The following ZNF385D variants were observed in gnomAD, a reference collection of about 807,000 sequenced individuals.
ZNF385D encodes zinc finger protein 385D, also known as zinc finger protein 659.
ZNF385D carries 15 observed loss-of-function variants against 35.8 expected under a neutral mutation model. The observed-to-expected ratio is 0.42, with a 90% confidence interval of 0.28 to 0.64. The LOEUF (loss-of-function observed/expected upper bound fraction) is 0.64, where lower values mean the gene tolerates loss of function less well. Ranked by LOEUF, ZNF385D falls within the 30% of genes least tolerant of loss-of-function variation. The pLI, the probability that ZNF385D is intolerant of heterozygous loss-of-function variation, is 0.23. For synonymous variants in ZNF385D, 212 were observed against 186.8 expected (o/e 1.13, Z -1.10); for missense variants, 474 against 494.6 (o/e 0.96, Z 0.39).
chr3:21,510,895 A>G lies in ZNF385D; in HGVS notation c.405T>C (p.Thr135=). ...DSAKTTFTSI[T]TNTINTSSDK... Reference sequence around the variant, plus strand: ...CAGAGCTGGTATTGATGGTATTGGTAGTGATGGAGGTGAAGGTAGTCTTTG... The same window carrying G: ...CAGAGCTGGTATTGATGGTATTGGTGGTGATGGAGGTGAAGGTAGTCTTTG... Residue 135 remains threonine (T), a synonymous_variant, in exon 4 of 8, where the codon ACT becomes ACC. Coordinates refer to ENST00000281523, the MANE Select transcript of ZNF385D (RefSeq NM_024697.3). The G allele has an allele frequency of 6.2e-7, 1 of 1,614,082 alleles. No individual in the cohort carries two copies. The highest frequency in any genetic ancestry group is 1.1e-5 in the South Asian group (1 of 91,078).
Position 21,835,520 on chromosome 3 carries a change from TA to T in ZNF385D, c.326-170493del, listed in dbSNP as rs35748841. On this transcript the variant is annotated intron_variant, in intron 3 of 5. Transcript: ENST00000494108. ...CAGGGTGGATCAAAGTGATACTACT[TA>T]AAAAAAAAAAAACTAAACCAAATAC... Among the ~76,000 whole-genome samples, 130 of 145,196 alleles carry T rather than the reference TA, an allele frequency of 9.0e-4. 1 individual carries two copies. The highest frequency in any genetic ancestry group is 3.3e-3 in the South Asian group (15 of 4,574).
intron 3 of ZNF385D, among the ~76,000 whole-genome samples, chr3:22,041,477 C>T (rs571751807): frequency 4.6e-5 from 7 of 152,188 alleles, no homozygotes; most frequent in South Asian, 2.1e-4. Context: ...AAATGCTTAT[C>T]GACTACAAAA....
chr3:21,984,219 T>C (rs1694677373), intron 3 of ZNF385D, among the ~76,000 whole-genome samples: 1 of 147,376 alleles, frequency 6.8e-6, no homozygotes, highest in Non-Finnish European at 1.5e-5. Flanking sequence ...CTTTTGGTGT[T>C]TTGGACCTGA....
intron 2 of ZNF385D, among the ~76,000 whole-genome samples, chr3:22,359,951 G>T (rs1696339404): frequency 6.6e-6 from 1 of 151,838 alleles, no homozygotes; most frequent in Admixed American, 6.6e-5. Context: ...ATGTATAATT[G>T]AGTTCTTAAA....
At chr3:21,609,811 A>C (rs1217338798) in intron 2 of ZNF385D, among the ~76,000 whole-genome samples, 3 of 152,216 alleles carry the variant, frequency 2.0e-5, no homozygotes, top group Non-Finnish European at 4.4e-5. Context: ...GCTTAAAGTC[A>C]TTTCTAAAGC....
intron 2 of ZNF385D, among the ~76,000 whole-genome samples, chr3:22,312,316 A>G (rs1703605824): frequency 6.6e-6 from 1 of 152,268 alleles, no homozygotes; most frequent in Middle Eastern, 3.4e-3. Flanking sequence ...TTTTGAAATC[A>G]CACCATTAGA....
chr3:21,596,168 TTTG>T (rs2064122356), intron 2 of ZNF385D, among the ~76,000 whole-genome samples: 1 of 152,158 alleles, frequency 6.6e-6, no homozygotes, highest in Non-Finnish European at 1.5e-5. Context: ...TTATCCAAAG[TTTG>T]TCAGCCAACT....
chr3:22,312,495 C>T (rs964068957), intron 2 of ZNF385D, among the ~76,000 whole-genome samples: 1 of 151,624 alleles, frequency 6.6e-6, no homozygotes, highest in African/African-American at 2.4e-5. Context: ...ATTTTTGCAA[C>T]CTACTCATCT....
At chr3:22,323,901 A>G (rs1408740203) in intron 2 of ZNF385D, among the ~76,000 whole-genome samples, 2 of 152,198 alleles carry the variant, frequency 1.3e-5, no homozygotes, top group African/African-American at 4.8e-5. Context: ...AAGCTGAAAT[A>G]CCCAAATTTG....
chr3:22,204,767 AAGAG>A (rs35641815), intron 2 of ZNF385D, among the ~76,000 whole-genome samples: 18,781 of 151,914 alleles, frequency 0.12, 1,481 homozygotes, highest in Middle Eastern at 0.23. Flanking sequence ...GATCATACAA[AAGAG>A]AGAATTAGTG....
At chr3:22,004,459 C>T (rs1696065855) in intron 3 of ZNF385D, among the ~76,000 whole-genome samples, 1 of 152,080 alleles carries the variant, frequency 6.6e-6, no homozygotes, top group Admixed American at 6.5e-5. Flanking sequence ...AAAGCTTTTG[C>T]ACAGCAAGAG....
chr3:22,146,321 A>C (rs1252539629), intron 3 of ZNF385D, among the ~76,000 whole-genome samples: 1 of 152,180 alleles, frequency 6.6e-6, no homozygotes, highest in Non-Finnish European at 1.5e-5. Flanking sequence ...AGCACGCTAA[A>C]ATTAAAAGCA....
chr3:21,632,755 C>T (rs2125838791), intron 2 of ZNF385D, among the ~76,000 whole-genome samples: 1 of 152,204 alleles, frequency 6.6e-6, no homozygotes, highest in South Asian at 2.1e-4. Context: ...GCTGGATTGG[C>T]TGTGACAAAA....
At chr3:21,703,627 A>G (rs2067778241) in intron 1 of ZNF385D, among the ~76,000 whole-genome samples, 1 of 151,552 alleles carries the variant, frequency 6.6e-6, no homozygotes, top group Non-Finnish European at 1.5e-5. Context: ...CAGTTACTGC[A>G]ACCTTGTAAA....
intron 2 of ZNF385D, among the ~76,000 whole-genome samples, chr3:22,228,337 T>A (rs1484381683): frequency 6.6e-6 from 1 of 152,110 alleles, no homozygotes; most frequent in Non-Finnish European, 1.5e-5. Context: ...GCCACCCCTA[T>A]CAGCAGGTTG....
intron 2 of ZNF385D, among the ~76,000 whole-genome samples, chr3:22,318,370 G>A (rs1477077884): frequency 6.6e-6 from 1 of 152,126 alleles, no homozygotes; most frequent in African/African-American, 2.4e-5. Flanking sequence ...CATGAAGAGA[G>A]CAAACATCAG....
chr3:21,622,043 G>C (rs2065024042), intron 2 of ZNF385D, among the ~76,000 whole-genome samples: 1 of 152,034 alleles, frequency 6.6e-6, no homozygotes, highest in African/African-American at 2.4e-5. Flanking sequence ...CCAGAGAAGA[G>C]ACTCAACCTG....
intron 2 of ZNF385D, among the ~76,000 whole-genome samples, chr3:21,593,554 T>A (rs999635244): frequency 3.9e-5 from 6 of 152,110 alleles, no homozygotes; most frequent in Non-Finnish European, 1.5e-5. Context: ...ATCTCTTGCC[T>A]TTAGTATTAG....
intron 2 of ZNF385D, among the ~76,000 whole-genome samples, chr3:21,650,494 A>C (rs1236300056): frequency 6.6e-6 from 1 of 152,148 alleles, no homozygotes; most frequent in African/African-American, 2.4e-5. Flanking sequence ...ACGTGCATTT[A>C]TTTTTTATTA....
Sources: gnomAD v4.1 joint callset for allele counts (sites outside exome capture counted in the v4.1 genomes callset) on GRCh38, gnomAD v4.1.1 for gene constraint, MANE v1.5 for transcripts, NCBI Gene and HGNC (gene_info 2026-07-23, HGNC 2026-07-21) for gene names.